Variants in SPRY3 observed in about 807,000 individuals in gnomAD.
The protein encoded by SPRY3 is sprouty RTK signaling antagonist 3.
In SPRY3, 15 loss-of-function variants were observed where a neutral mutation model predicts 20.2. The observed-to-expected ratio is 0.74, with a 90% CI of 0.50 to 1.14. The LOEUF (loss-of-function observed/expected upper bound fraction) is 1.14. SPRY3 is among the 50% of genes most tolerant of loss of function. The pLI, the probability that SPRY3 is intolerant of heterozygous loss-of-function variation, is 0.00. For synonymous variants in SPRY3, 143 were observed against 136.5 expected (o/e 1.05, Z -0.33); for missense variants, 364 against 363.9 (o/e 1.00, Z 0.00).
downstream of SPRY3, chrX:155,779,701 G>C (rs899131926): frequency 6.0e-6 from 1 of 166,904 alleles, no homozygotes; most frequent in Non-Finnish European, 1.5e-5. Context: ...GCTAAACAAG[G>C]TATTCTGTAA....
At chrX:155,617,324 A>T (rs1278396498) in intron 1 of SPRY3, among the ~76,000 whole-genome samples, 1 of 110,718 alleles carries the variant, frequency 9.0e-6, no homozygotes, top group Non-Finnish European at 1.9e-5. Context: ...CAGGAAAAAA[A>T]GTTATGTTGG....
intron 1 of SPRY3, among the ~76,000 whole-genome samples, chrX:155,629,705 G>A (rs1191400898): frequency 8.9e-6 from 1 of 111,843 alleles, no homozygotes; most frequent in East Asian, 2.8e-4. Context: ...CATTCTAACT[G>A]GTGTGAGGTG....
chrX:155,669,775 ACTGT>A (rs1210902710), intron 2 of SPRY3: 3 of 111,059 alleles, frequency 2.7e-5, no homozygotes, highest in Non-Finnish European at 5.7e-5. Flanking sequence ...TTGGAAGGAA[ACTGT>A]CTATTTTCAT....
At chrX:155,698,339 A>C in intron 2 of SPRY3, among the ~76,000 whole-genome samples, 1 of 111,828 alleles carries the variant, frequency 8.9e-6, no homozygotes, top group Admixed American at 9.5e-5. Context: ...CAAACCACAT[A>C]AAAAATGGAT....
At position 155,774,510 on chromosome X, in the gene SPRY3, TGGGCCTAGTTC is replaced by T; in HGVS notation, c.640_650del (p.Gly214LeufsTer36). Reference sequence around the variant, plus strand: ...ACTGTGCTGATGAGCCCTGCTCTTGTGGGCCTAGTTCTTGCTTTGTCCGCTGGGCAGCCATG... The same window carrying T: ...ACTGTGCTGATGAGCCCTGCTCTTGTTTGCTTTGTCCGCTGGGCAGCCATG... On this transcript the variant is annotated frameshift_variant, in exon 4 of 4. Transcript: ENST00000675360. LOFTEE classifies it high-confidence loss of function. The T allele has an allele frequency of 1.2e-6, 2 of 1,614,010 alleles. No individual in the cohort carries two copies. Among genetic ancestry groups the T allele is most frequent in the African/African-American group, 2.7e-5 (2 of 75,058 alleles).
intron 2 of SPRY3, among the ~76,000 whole-genome samples, chrX:155,710,638 T>G (rs1272269597): frequency 2.6e-5 from 4 of 151,788 alleles, no homozygotes; most frequent in Non-Finnish European, 4.4e-5. Context: ...CCTTTCCAAT[T>G]TGGAGGTCCT....
chrX:155,692,102 A>G (rs987645236), intron 2 of SPRY3, among the ~76,000 whole-genome samples: 4 of 110,025 alleles, frequency 3.6e-5, no homozygotes, highest in African/African-American at 1.3e-4. Context: ...TCGTGGAGAT[A>G]GAGAGTAGAA....
intron 2 of SPRY3, among the ~76,000 whole-genome samples, chrX:155,705,412 A>G (rs1161065322): frequency 6.6e-6 from 1 of 151,440 alleles, no homozygotes; most frequent in Non-Finnish European, 1.5e-5. Context: ...TAAATGCTCA[A>G]ATAACACAAG....
At chrX:155,716,151 T>C (rs1179258976) in intron 2 of SPRY3, among the ~76,000 whole-genome samples, 3 of 152,156 alleles carry the variant, frequency 2.0e-5, no homozygotes, top group African/African-American at 7.2e-5. Context: ...CAATCTTTCT[T>C]GCCCCTGCTT....
chrX:155,680,145 G>GGTGTGTGTGTGTGTGTGT (rs774435204), intron 2 of SPRY3, among the ~76,000 whole-genome samples: 96 of 70,404 alleles, frequency 1.4e-3, no homozygotes, highest in African/African-American at 4.5e-3. Flanking sequence ...AAGCAATGCT[G>GGTGTGTGTGTGTGTGTGT]GTGTGTGTGT....
intron 2 of SPRY3, among the ~76,000 whole-genome samples, chrX:155,737,356 C>A (rs1400553378): frequency 6.6e-6 from 1 of 152,002 alleles, no homozygotes; most frequent in Admixed American, 6.6e-5. Flanking sequence ...ATCTGTGAAA[C>A]AATGGTGAGC....
chrX:155,767,599 G>A (rs1015124748), intron 2 of SPRY3, among the ~76,000 whole-genome samples: 1 of 149,648 alleles, frequency 6.7e-6, no homozygotes, highest in African/African-American at 2.5e-5. Context: ...AGGAGGGAAA[G>A]GGGAGGGCAA....
chrX:155,648,127 C>T (rs1270269563), intron 1 of SPRY3, among the ~76,000 whole-genome samples: 1 of 111,907 alleles, frequency 8.9e-6, no homozygotes, highest in African/African-American at 3.2e-5. Context: ...TGTTCATATC[C>T]TTTGCCCAAT....
Position 155,751,289 on chromosome X carries a change from A to G in SPRY3, c.-281-16673A>G, listed in dbSNP as rs759574735. ...GGACCATTGCCACAGCACTGCCCTG[A>G]TAAGAAAAACTGTTGCTCCTACAAT... On this transcript the variant is annotated intron_variant, in intron 2 of 3. Transcript: ENST00000675360. 7.9e-5 allele frequency among the ~76,000 whole-genome samples: 12 copies of G among 151,992 alleles called. No homozygotes were observed. In the East Asian group the frequency reaches 2.1e-3, roughly 27 times the overall value.
downstream of SPRY3, chrX:155,781,533 A>G (rs1279440630): frequency 6.0e-6 from 1 of 167,034 alleles, no homozygotes; most frequent in African/African-American, 2.4e-5. Context: ...TGACCAAGTC[A>G]GGATAAGAAT....
chrX:155,705,704 T>G (rs2090945932), intron 2 of SPRY3, among the ~76,000 whole-genome samples: 1 of 151,208 alleles, frequency 6.6e-6, no homozygotes, highest in African/African-American at 2.4e-5. Context: ...GAAACAAAAC[T>G]AGAATAGCTA....
intron 2 of SPRY3, among the ~76,000 whole-genome samples, chrX:155,731,137 CT>C (rs1487973295): frequency 7.2e-5 from 11 of 152,052 alleles, no homozygotes; most frequent in Non-Finnish European, 1.3e-4. Context: ...CAATGACATT[CT>C]TCACAGAAAC....
At chrX:155,773,515 G>T (rs899341228) in intron 3 of SPRY3, among the ~76,000 whole-genome samples, 1 of 151,828 alleles carries the variant, frequency 6.6e-6, no homozygotes, top group South Asian at 2.1e-4. Context: ...GTGAAACTAG[G>T]CATTTGATGG....
intron 2 of SPRY3, among the ~76,000 whole-genome samples, chrX:155,662,114 T>G (rs2068011704): frequency 8.9e-6 from 1 of 111,939 alleles, no homozygotes; most frequent in Non-Finnish European, 1.9e-5. Context: ...AACACTTCAT[T>G]TTTTATACTA....
Sources: gnomAD v4.1 joint callset for allele counts (sites outside exome capture counted in the v4.1 genomes callset) on GRCh38, gnomAD v4.1.1 for gene constraint, MANE v1.5 for transcripts, NCBI Gene and HGNC (gene_info 2026-07-23, HGNC 2026-07-21) for gene names.